SNTG1: variants seen among roughly 807,000 people sequenced by gnomAD.
The protein encoded by SNTG1 is syntrophin gamma 1.
SNTG1 carries 39 observed loss-of-function variants against 74.7 expected under a neutral mutation model. The observed-to-expected ratio is 0.52, with a 90% CI of 0.40 to 0.68. SNTG1 has a LOEUF of 0.68. Ranked by LOEUF, SNTG1 falls within the 30% of genes least tolerant of loss-of-function variation. The pLI, the probability that SNTG1 is intolerant of heterozygous loss-of-function variation, is 0.00. For missense variants in SNTG1, 685 were observed against 609.5 expected, an observed-to-expected ratio of 1.12 and a Z score of -1.30; for synonymous variants, 254 against 217.1, an observed-to-expected ratio of 1.17 and a Z score of -1.49.
intron 18 of SNTG1, among the ~76,000 whole-genome samples, chr8:50,755,985 A>G (rs957673736): frequency 4.0e-5 from 6 of 150,598 alleles, no homozygotes; most frequent in African/African-American, 1.2e-4. Flanking sequence ...TTCTTTGGTA[A>G]GATATCTGTT....
At chr8:50,211,706 A>T (rs952621550) in intron 2 of SNTG1, among the ~76,000 whole-genome samples, 3 of 152,182 alleles carry the variant, frequency 2.0e-5, no homozygotes, top group African/African-American at 7.2e-5. Flanking sequence ...GAGAGATATC[A>T]AACATTTTTA....
intron 12 of SNTG1, among the ~76,000 whole-genome samples, chr8:50,576,602 A>T (rs998548830): frequency 2.6e-5 from 4 of 151,962 alleles, no homozygotes; most frequent in African/African-American, 9.6e-5. Context: ...TGAAGATGGA[A>T]TTTTTTCCAT....
chr8:50,281,787 C>G (rs984583225), intron 2 of SNTG1, among the ~76,000 whole-genome samples: 1 of 152,182 alleles, frequency 6.6e-6, no homozygotes, highest in Non-Finnish European at 1.5e-5. Context: ...AGTAGTCTCA[C>G]TAAACTTCGA....
At chr8:50,344,103 T>C (rs1412544803) in intron 2 of SNTG1, among the ~76,000 whole-genome samples, 1 of 152,208 alleles carries the variant, frequency 6.6e-6, no homozygotes, top group African/African-American at 2.4e-5. Context: ...AGGTTTAGAT[T>C]TGAGGGTATT....
chr8:50,249,603 C>T (rs2086557542), intron 2 of SNTG1, among the ~76,000 whole-genome samples: 1 of 152,198 alleles, frequency 6.6e-6, no homozygotes, highest in South Asian at 2.1e-4. Flanking sequence ...ATTTGACTTC[C>T]ATGCCTGCAT....
At chr8:49,960,302 CAT>C (rs1347523869) in intron 1 of SNTG1, among the ~76,000 whole-genome samples, 7 of 152,216 alleles carry the variant, frequency 4.6e-5, no homozygotes, top group African/African-American at 1.7e-4. Flanking sequence ...ATGCTGTTAA[CAT>C]TGAATATTTT....
At chr8:50,305,765 T>C (rs1350694899) in intron 2 of SNTG1, among the ~76,000 whole-genome samples, 1 of 152,090 alleles carries the variant, frequency 6.6e-6, no homozygotes, top group African/African-American at 2.4e-5. Context: ...TAAGGTTCAA[T>C]GAATTGGATG....
At chr8:50,180,558 T>G (rs2131709366) in intron 2 of SNTG1, among the ~76,000 whole-genome samples, 1 of 152,246 alleles carries the variant, frequency 6.6e-6, no homozygotes, top group East Asian at 1.9e-4. Context: ...TATGTGAATT[T>G]TACCTCAATG....
intron 18 of SNTG1, among the ~76,000 whole-genome samples, chr8:50,770,621 T>A (rs1016599853): frequency 1.3e-5 from 2 of 152,066 alleles, no homozygotes; most frequent in Non-Finnish European, 1.5e-5. Context: ...CAGGCTGCTA[T>A]GGTTTTAATA....
intron 15 of SNTG1, among the ~76,000 whole-genome samples, chr8:50,669,383 C>A (rs948885194): frequency 6.6e-6 from 1 of 152,006 alleles, no homozygotes; most frequent in Non-Finnish European, 1.5e-5. Context: ...CACAGAAATA[C>A]AAACTACCAT....
intron 1 of SNTG1, among the ~76,000 whole-genome samples, chr8:50,086,544 G>A (rs1442589082): frequency 1.3e-4 from 20 of 152,110 alleles, no homozygotes; most frequent in Non-Finnish European, 5.9e-5. Context: ...AAGGTCAGAT[G>A]AATGTCTGTA....
intron 2 of SNTG1, among the ~76,000 whole-genome samples, chr8:50,325,402 T>A (rs1220774893): frequency 6.6e-6 from 1 of 152,056 alleles, no homozygotes; most frequent in East Asian, 1.9e-4. Context: ...CATTCAAGTT[T>A]CATAGTTTTT....
At chr8:50,083,970 A>G (rs959517258) in intron 1 of SNTG1, among the ~76,000 whole-genome samples, 4 of 152,188 alleles carry the variant, frequency 2.6e-5, no homozygotes, top group Non-Finnish European at 5.9e-5. Context: ...TTGTTGATGT[A>G]ACTTTAATTT....
At chr8:50,228,729 A>C (rs189085865) in intron 2 of SNTG1, among the ~76,000 whole-genome samples, 18 of 151,826 alleles carry the variant, frequency 1.2e-4, no homozygotes, top group Non-Finnish European at 2.1e-4. Context: ...TCTTAGACAA[A>C]AACTGAGGGA....
At chr8:49,918,124 G>A (rs1272886960) in intron 1 of SNTG1, among the ~76,000 whole-genome samples, 2 of 152,062 alleles carry the variant, frequency 1.3e-5, no homozygotes, top group East Asian at 1.9e-4. Context: ...ATCTAGAAAT[G>A]AGACAATGAA....
chr8:50,794,576 C>T lies in SNTG1; in HGVS notation c.*1747C>T, dbSNP rs2095700202. The T allele has an allele frequency of 1.3e-5, 2 of 151,978 alleles. No individual in the cohort carries two copies. The highest frequency in any genetic ancestry group is 6.6e-5 in the Admixed American group (1 of 15,216). The allele number at this position is 151,978 out of a possible 1,614,324, so 9.4% of individuals were successfully genotyped here. On this transcript the variant is annotated 3_prime_UTR_variant, in exon 19 of 19. Coordinates refer to ENST00000642720, the MANE Select transcript of SNTG1 (RefSeq NM_018967.5). ...TGCACACTATATTGATCAAATACAACAGTCATTGTAAAATTGAAACCCACC... is the reference window on the plus strand; with the variant it reads ...TGCACACTATATTGATCAAATACAATAGTCATTGTAAAATTGAAACCCACC...
chr8:50,041,445 T>C lies in SNTG1; in HGVS notation c.-103+129214T>C, dbSNP rs376736261. Among the ~76,000 whole-genome samples the C allele has an allele frequency of 1.1e-4, 17 of 152,262 alleles. No homozygotes were observed. The East Asian group carries it at 1.7e-3, about 16-fold the overall frequency. On this transcript the variant is annotated intron_variant, in intron 1 of 18. Coordinates refer to ENST00000642720, the MANE Select transcript of SNTG1 (RefSeq NM_018967.5). Reference sequence around the variant, plus strand: ...TTTAATGTTGCAACATTAATGACAGTGTAAATCACTGTGAAGCTGGAGAGA... The same window carrying C: ...TTTAATGTTGCAACATTAATGACAGCGTAAATCACTGTGAAGCTGGAGAGA...
At chr8:50,206,450 C>G (rs2084242216) in intron 2 of SNTG1, among the ~76,000 whole-genome samples, 1 of 152,144 alleles carries the variant, frequency 6.6e-6, no homozygotes, top group Non-Finnish European at 1.5e-5. Context: ...TTCTTATCAG[C>G]TTAAGGAGAT....
At chr8:50,677,302 A>G (rs150037611) in intron 15 of SNTG1, among the ~76,000 whole-genome samples, 53 of 152,136 alleles carry the variant, frequency 3.5e-4, no homozygotes, top group African/African-American at 1.2e-3. Context: ...ATAAATCTTT[A>G]TGAATTGTGA....
Sources: gnomAD v4.1 joint callset for allele counts (sites outside exome capture counted in the v4.1 genomes callset) on GRCh38, gnomAD v4.1.1 for gene constraint, MANE v1.5 for transcripts, NCBI Gene and HGNC (gene_info 2026-07-23, HGNC 2026-07-21) for gene names.